Variants in STK32B observed in about 807,000 individuals in gnomAD.
STK32B encodes serine/threonine kinase 32B.
STK32B carries 43 observed loss-of-function variants against 52.6 expected under a neutral mutation model. That is an observed-to-expected ratio of 0.82 (90% CI 0.64 to 1.05). STK32B has a LOEUF of 1.05. STK32B is among the 50% of genes least tolerant of loss of function. The pLI is 0.00. For synonymous variants in STK32B, 238 were observed against 204.3 expected (o/e 1.17, Z -1.41); for missense variants, 621 against 534.6 (o/e 1.16, Z -1.59).
chr4:5,305,482 A>G lies in STK32B; in HGVS notation c.261-25738A>G, dbSNP rs567543651. On this transcript the variant is annotated intron_variant, in intron 3 of 11. Transcript: ENST00000282908. ...GAATCTCCTCTAGGTTTTCTAGTTT[A>G]TGTGTGTAAAGGTGTTCATAGTATC... Among the ~76,000 whole-genome samples, 287 of 152,048 alleles carry G rather than the reference A, an allele frequency of 1.9e-3. 1 individual carries two copies. Among genetic ancestry groups the G allele is most frequent in the African/African-American group, 6.8e-3 (284 of 41,512 alleles).
Position 5,227,147 on chromosome 4 carries a change from T to C in STK32B, c.260+58697T>C, listed in dbSNP as rs1050891043. ...GTTGAAGAAGTGAGAAATATTTTAA[T>C]AGTTTGTTTTTTCATGTCATTTTGA... On this transcript the variant is annotated intron_variant, in intron 3 of 11. Coordinates refer to ENST00000282908, the MANE Select transcript of STK32B (RefSeq NM_018401.3). Among the ~76,000 whole-genome samples the C allele has an allele frequency of 3.2e-4, 49 of 152,226 alleles. 1 individual carries two copies.
chr4:5,125,917 C>A (rs1467352181), intron 1 of STK32B, among the ~76,000 whole-genome samples: 1 of 152,136 alleles, frequency 6.6e-6, no homozygotes, highest in Non-Finnish European at 1.5e-5. Flanking sequence ...GATCTGCCCC[C>A]ATCAGATCTA....
chr4:5,020,746 AAG>A, the STK32B span, among the ~76,000 whole-genome samples: 1 of 7,388 alleles, frequency 1.4e-4, no homozygotes, highest in South Asian at 0.01. Flanking sequence ...CAAAAGGGAG[AAG>A]ATTCTTCCTT....
At position 5,192,496 on chromosome 4, in the gene STK32B, G is replaced by A. The variant is rs535821980; in HGVS notation, c.260+24046G>A. ...CGCTACAGAAAGTCAGATCGCTAAC[G>A]GAAATAGTGAAGCTGACTCACAGCA... On this transcript the variant is annotated intron_variant, in intron 3 of 11. Coordinates refer to ENST00000282908, the MANE Select transcript of STK32B (RefSeq NM_018401.3). Among the ~76,000 whole-genome samples, 10 of 152,254 alleles carry A rather than the reference G, an allele frequency of 6.6e-5. No homozygotes were observed. The South Asian group carries it at 1.7e-3, about 25-fold the overall frequency.
intron 6 of STK32B, among the ~76,000 whole-genome samples, chr4:5,420,727 G>A (rs922513539): frequency 6.6e-6 from 1 of 152,082 alleles, no homozygotes; most frequent in East Asian, 1.9e-4. Context: ...ATCCCACAGG[G>A]GAGTGCTGAG....
intron 2 of STK32B, among the ~76,000 whole-genome samples, chr4:5,157,410 A>G (rs538132532): frequency 2.6e-5 from 4 of 152,134 alleles, no homozygotes; most frequent in Non-Finnish European, 5.9e-5. Flanking sequence ...ATTTCCATTG[A>G]TGATAGCTGC....
At chr4:5,368,175 G>A (rs1036882005) in intron 4 of STK32B, among the ~76,000 whole-genome samples, 8 of 151,874 alleles carry the variant, frequency 5.3e-5, no homozygotes, top group Non-Finnish European at 7.3e-5. Flanking sequence ...TCCTCTACCC[G>A]GAGGTGTCCC....
At chr4:5,219,550 G>C (rs1723391319) in intron 3 of STK32B, among the ~76,000 whole-genome samples, 1 of 152,236 alleles carries the variant, frequency 6.6e-6, no homozygotes, top group Non-Finnish European at 1.5e-5. Context: ...AACTTCACCA[G>C]GGTCACACAG....
chr4:5,303,384 G>C (rs1729703769), intron 3 of STK32B, among the ~76,000 whole-genome samples: 1 of 152,116 alleles, frequency 6.6e-6, no homozygotes, highest in African/African-American at 2.4e-5. Flanking sequence ...TCTTGTCAGA[G>C]TGATGTGGTA....
chr4:5,486,525 C>T (rs550124681), intron 11 of STK32B, among the ~76,000 whole-genome samples: 285 of 152,370 alleles, frequency 1.9e-3, no homozygotes, highest in African/African-American at 6.0e-3. Context: ...TGACTTCTTG[C>T]GCTTCCAAGG....
intron 6 of STK32B, among the ~76,000 whole-genome samples, chr4:5,425,682 G>A (rs1365928040): frequency 2.0e-5 from 3 of 152,160 alleles, no homozygotes; most frequent in African/African-American, 7.2e-5. Flanking sequence ...GCAGTAAAAT[G>A]TACTCTTTTA....
chr4:5,053,281 C>T (rs895829947), intron 1 of STK32B, among the ~76,000 whole-genome samples: 4 of 152,088 alleles, frequency 2.6e-5, no homozygotes, highest in African/African-American at 9.7e-5. Context: ...ACAGAGAGGC[C>T]CCAGCTTTTC....
intron 3 of STK32B, among the ~76,000 whole-genome samples, chr4:5,304,080 G>C (rs146458096): frequency 1.4e-3 from 210 of 152,132 alleles, no homozygotes; most frequent in African/African-American, 4.7e-3. Flanking sequence ...GGTGACTGTG[G>C]CCTTACAGTA....
chr4:5,317,522 T>TTA (rs1250778694), intron 3 of STK32B, among the ~76,000 whole-genome samples: 4 of 109,084 alleles, frequency 3.7e-5, no homozygotes, highest in Non-Finnish European at 6.5e-5. Context: ...AATATATTTA[T>TTA]TATATATATA....
intron 3 of STK32B, among the ~76,000 whole-genome samples, chr4:5,276,605 C>CT (rs538059655): frequency 3.0e-4 from 44 of 149,144 alleles, no homozygotes; most frequent in African/African-American, 7.1e-4. Flanking sequence ...CAAGCAGATT[C>CT]TTTTTTTTTT....
In STK32B at chr4:5,110,904, G is replaced by A. The variant is rs1714368317; in HGVS notation, c.53-29001G>A. Among the ~76,000 whole-genome samples the A allele has an allele frequency of 2.0e-5, 3 of 151,252 alleles. No homozygotes were observed. In the South Asian group the frequency reaches 6.3e-4, roughly 32 times the overall value. The stretch of plus-strand genomic sequence containing the variant: ...TATCCAGAATCTATAAGGAACTCAA[G>A]CAACTCAAGAGGAATAAAATAAACA... On this transcript the variant is annotated intron_variant, in intron 1 of 11. Coordinates refer to ENST00000282908, the MANE Select transcript of STK32B (RefSeq NM_018401.3).
intron 4 of STK32B, among the ~76,000 whole-genome samples, chr4:5,364,515 A>G (rs761593733): frequency 2.0e-5 from 3 of 152,194 alleles, no homozygotes; most frequent in African/African-American, 7.2e-5. Context: ...CACCAAATTC[A>G]TATACCAACC....
chr4:5,152,696 G>C (rs982827633), intron 2 of STK32B, among the ~76,000 whole-genome samples: 3 of 152,258 alleles, frequency 2.0e-5, no homozygotes, highest in East Asian at 1.9e-4. Context: ...GTGCAGCATT[G>C]CCTGTCCTGC....
intron 1 of STK32B, among the ~76,000 whole-genome samples, chr4:5,125,595 C>T (rs1053451642): frequency 2.0e-5 from 3 of 152,198 alleles, no homozygotes; most frequent in Admixed American, 2.0e-4. Flanking sequence ...CCTGCTGCTG[C>T]ACCCACTGTT....
Sources: gnomAD v4.1 joint callset for allele counts (sites outside exome capture counted in the v4.1 genomes callset) on GRCh38, gnomAD v4.1.1 for gene constraint, MANE v1.5 for transcripts, NCBI Gene and HGNC (gene_info 2026-07-23, HGNC 2026-07-21) for gene names.